SBNO1: variants seen among roughly 807,000 people sequenced by gnomAD.
SBNO1 encodes the protein strawberry notch homolog 1, also known as protein strawberry notch homolog 1.
Under a neutral mutation model 173.6 loss-of-function variants are expected in SBNO1, and 23 were observed. That is an observed-to-expected ratio of 0.13 (90% CI 0.10 to 0.19). The LOEUF is 0.19. Among genes scored for constraint, SBNO1 ranks in the 10% least tolerant of loss-of-function variants. The pLI, the probability that SBNO1 is intolerant of heterozygous loss-of-function variation, is 1.00. For missense variants in SBNO1, 1,238 were observed against 1,671.2 expected (o/e 0.74, Z 4.52); for synonymous variants, 632 against 571.5 (o/e 1.11, Z -1.51).
rs112885602 is a variant in SBNO1 at position 123,290,742 on chromosome 12, C to CTT, written c.*5164_*5165dup. ...TTGTTCCTTAATGTACATTCTCTCT[C>CTT]TTTTTTTTTTTTCGAGACGGAGTCT... On this transcript the variant is annotated 3_prime_UTR_variant, in exon 32 of 32. Transcript: ENST00000602398. The CTT allele has an allele frequency of 1.0e-4, 15 of 145,088 alleles. No individual in the cohort carries two copies. Among genetic ancestry groups the CTT allele is most frequent in the South Asian group, 4.4e-4 (2 of 4,534 alleles). The allele number at this position is 145,088 out of a possible 1,614,324, so 9.0% of individuals were successfully genotyped here. A position where few individuals can be genotyped will look rare whatever the true frequency, so the allele number is the denominator to read the frequency against.
intron 4 of SBNO1, among the ~76,000 whole-genome samples, chr12:123,342,755 G>GA (rs148239726): frequency 0.062 from 9,487 of 152,144 alleles, 328 homozygotes; most frequent in South Asian, 0.11. Context: ...AGAACCCCTG[G>GA]AACCAGCCTT....
intron 1 of SBNO1, among the ~76,000 whole-genome samples, chr12:123,351,237 A>G (rs926673381): frequency 2.0e-5 from 3 of 152,204 alleles, no homozygotes; most frequent in African/African-American, 7.2e-5. Flanking sequence ...GGTATCACCT[A>G]CAGCCCTGTA....
At chr12:123,319,508 A>G (rs1869707025) in intron 20 of SBNO1, among the ~76,000 whole-genome samples, 1 of 152,104 alleles carries the variant, frequency 6.6e-6, no homozygotes, top group Admixed American at 6.6e-5. Flanking sequence ...CCCAGGGTTA[A>G]GCTATCCTCC....
intron 6 of SBNO1, among the ~76,000 whole-genome samples, chr12:123,334,973 G>C (rs941495273): frequency 6.6e-6 from 1 of 152,180 alleles, no homozygotes; most frequent in African/African-American, 2.4e-5. Flanking sequence ...AGTATCATTT[G>C]AGGCCAAGAG....
intron 6 of SBNO1, among the ~76,000 whole-genome samples, chr12:123,334,929 T>G (rs535152247): frequency 6.6e-6 from 1 of 152,114 alleles, no homozygotes; most frequent in Non-Finnish European, 1.5e-5. Flanking sequence ...AGGTTCATGC[T>G]TGTAATCTCA....
intron 5 of SBNO1, among the ~76,000 whole-genome samples, chr12:123,338,158 T>C (rs1872079081): frequency 1.3e-5 from 2 of 152,156 alleles, no homozygotes; most frequent in Admixed American, 1.3e-4. Context: ...GGGCCTGGGG[T>C]TGTCAGGTAC....
chr12:123,316,661 A>G (rs913804048), intron 21 of SBNO1, among the ~76,000 whole-genome samples: 2 of 151,430 alleles, frequency 1.3e-5, no homozygotes, highest in Non-Finnish European at 2.9e-5. Context: ...CTGGGACTAC[A>G]GGCACACGCC....
At chr12:123,352,228 T>C (rs189932860) in intron 1 of SBNO1, among the ~76,000 whole-genome samples, 37 of 152,348 alleles carry the variant, frequency 2.4e-4, no homozygotes, top group Admixed American at 2.4e-3. Context: ...AATATACTAA[T>C]TTTCAGCTAG....
At chr12:123,302,426 T>C (rs2048820820) in intron 30 of SBNO1, among the ~76,000 whole-genome samples, 1 of 151,390 alleles carries the variant, frequency 6.6e-6, no homozygotes, top group Non-Finnish European at 1.5e-5. Flanking sequence ...GTATTTTTAG[T>C]AGAGATGGGG....
At chr12:123,336,281 G>C in intron 6 of SBNO1, 114 bp downstream of exon 6, 1 of 714,804 alleles carries the variant, frequency 1.4e-6, no homozygotes, top group Non-Finnish European at 2.4e-6. Flanking sequence ...GGTTTTAAAA[G>C]ACTTTGACCT....
chr12:123,321,729 T>C lies in SBNO1; in HGVS notation c.2129A>G (p.Glu710Gly), dbSNP rs1435992383. 1 of 1,613,774 alleles carries C rather than the reference T, an allele frequency of 6.2e-7. No homozygotes were observed. Among genetic ancestry groups the C allele is most frequent in the African/African-American group, 1.3e-5 (1 of 74,916 alleles). The change falls in exon 17 of 32, where the codon GAA (glutamate) becomes GGA (glycine). Residue 710 changes from glutamate to glycine, a missense_variant. Physicochemically the swap from Glu to Gly is moderately conservative, Grantham distance 98. This residue lies in a region of SBNO1 where 81 missense variants were observed against 82.6 expected (regional missense o/e 0.98). Transcript: ENST00000602398. ...KENKIKKRKG[E>G]EITREAKKAR... ...TTTTTTGGCTTCTCGAGTTATTTCT[T>C]CACCTACCCTCCGCCACAAACAAGA...
In SBNO1 at chr12:123,309,592, A is replaced by G. The variant is rs1325094274; in HGVS notation, c.3443-9T>C. The G allele has an allele frequency of 3.1e-6, 5 of 1,611,026 alleles. No individual in the cohort carries two copies. The highest frequency in any genetic ancestry group is 1.1e-5 in the South Asian group (1 of 90,958). On this transcript the variant is annotated splice_polypyrimidine_tract_variant and intron_variant, in intron 26 of 31. Transcript: ENST00000602398. ...ATCTCCAGAACCAAGATCTTGAACA[A>G]GAAAAAGAAACATGTAAATGTAAAA...
intron 28 of SBNO1, among the ~76,000 whole-genome samples, chr12:123,306,181 A>G (rs2138902053): frequency 6.6e-6 from 1 of 152,356 alleles, no homozygotes; most frequent in South Asian, 2.1e-4. Context: ...ATTATTTATC[A>G]GCTGACAGGA....
Position 123,321,553 on chromosome 12 carries a change from T to C in SBNO1, c.2305A>G (p.Asn769Asp), listed in dbSNP as rs909226603. 7 of 1,611,770 alleles carry C rather than the reference T, an allele frequency of 4.3e-6. No homozygotes were observed. Among genetic ancestry groups the C allele is most frequent in the African/African-American group, 2.7e-5 (2 of 74,884 alleles). The change falls in exon 17 of 32, where the codon AAT becomes GAT. Residue 769 changes from asparagine (N) to aspartate (D), a missense_variant. By Grantham distance (23) the Asn-to-Asp change is conservative (BLOSUM62 1). Around this residue, in one of 14 missense-constraint regions of SBNO1, gnomAD observed 33 missense variants for 29.6 expected, o/e 1.11. Coordinates refer to ENST00000602398, the MANE Select transcript of SBNO1 (RefSeq NM_001167856.3). Reference sequence around the variant, plus strand: ...AACTTACCATTTTCATCATCCTCATTAGACTCATCTAAAAATGGGTTGAAA... The same window carrying C: ...AACTTACCATTTTCATCATCCTCATCAGACTCATCTAAAAATGGGTTGAAA... Reference protein sequence around the residue: ...DDFNPFLDESNEDDENDPWLI... With the variant: ...DDFNPFLDESDEDDENDPWLI...
rs1875918680 is a variant in SBNO1, at chr12:123,364,629, C to CGGA, written c.-1+71_-1+72insTCC. 23 of 843,910 alleles carry CGGA rather than the reference C, an allele frequency of 2.7e-5. No individual in the cohort carries two copies. The African/African-American group carries it at 4.2e-4, about 15-fold the overall frequency. 52.3% of individuals were successfully genotyped at this position (843,910 alleles called of 1,614,324 possible). ...CCCCAGCCTGGCCCCGCACGGCCCC[C>CGGA]CGAGGGTGGGAGTGGGAGGCTGTCC... On this transcript the variant is annotated intron_variant, in intron 1 of 31. Transcript: ENST00000602398.
At chr12:123,361,046 C>T (rs1015324665) in intron 1 of SBNO1, among the ~76,000 whole-genome samples, 2 of 152,084 alleles carry the variant, frequency 1.3e-5, no homozygotes, top group South Asian at 4.2e-4. Context: ...GAGATTGAAA[C>T]AATCCTGGTC....
chr12:123,305,429 G>T (rs1271965772), intron 28 of SBNO1, among the ~76,000 whole-genome samples: 2 of 152,134 alleles, frequency 1.3e-5, no homozygotes, highest in Non-Finnish European at 2.9e-5. Flanking sequence ...AAAAATGGAA[G>T]AAAGGGAAGC....
chr12:123,355,861 A>G (rs1288058908), intron 1 of SBNO1, among the ~76,000 whole-genome samples: 1 of 152,206 alleles, frequency 6.6e-6, no homozygotes, highest in Non-Finnish European at 1.5e-5. Flanking sequence ...CTTCTATGAT[A>G]AGTAAGACAC....
At chr12:123,323,918 T>A (rs1381678453) in intron 15 of SBNO1, 87 bp from the exon 16 acceptor site, 3 of 1,041,732 alleles carry the variant, frequency 2.9e-6, no homozygotes, top group African/African-American at 3.4e-5. Flanking sequence ...AAATATACTT[T>A]GTTCAGTTTT....
Sources: gnomAD v4.1 joint callset for allele counts (sites outside exome capture counted in the v4.1 genomes callset) on GRCh38, gnomAD v4.1.1 for gene constraint, gnomAD v4.1.1 regional missense constraint, MANE v1.5 for transcripts, NCBI Gene and HGNC (gene_info 2026-07-23, HGNC 2026-07-21) for gene names.